RGS7BP: variants seen among roughly 807,000 people sequenced by gnomAD.
RGS7BP encodes regulator of G protein signaling 7-binding protein.
Under a neutral mutation model 31.3 loss-of-function variants are expected in RGS7BP, and 9 were observed. The ratio of observed to expected loss-of-function variants is 0.29; its 90% confidence interval spans 0.17 to 0.50. The LOEUF is 0.50. Among genes scored for constraint, RGS7BP ranks in the 20% least tolerant of loss-of-function variants. The pLI is 0.98. For missense variants in RGS7BP, 274 were observed against 322.0 expected, an observed-to-expected ratio of 0.85 and a Z score of 1.14; for synonymous variants, 115 against 120.1, an observed-to-expected ratio of 0.96 and a Z score of 0.28.
intron 5 of RGS7BP, among the ~76,000 whole-genome samples, chr5:64,605,743 T>A (rs1041976256): frequency 6.6e-6 from 1 of 151,922 alleles, no homozygotes; most frequent in Non-Finnish European, 1.5e-5. Context: ...AAACCAGCAG[T>A]TGTCCTTAAT....
At chr5:64,587,133 G>C (rs758946073) in intron 3 of RGS7BP, among the ~76,000 whole-genome samples, 1 of 152,050 alleles carries the variant, frequency 6.6e-6, no homozygotes, top group African/African-American at 2.4e-5. Flanking sequence ...GGACTTTTAG[G>C]GGCCAGTCTG....
At chr5:64,597,548 C>T (rs1743105896) in intron 4 of RGS7BP, among the ~76,000 whole-genome samples, 1 of 151,610 alleles carries the variant, frequency 6.6e-6, no homozygotes, top group South Asian at 2.1e-4. Flanking sequence ...CTGGTGAACG[C>T]TTAATACCTG....
rs1424220509 is a variant in RGS7BP at position 64,594,739 on chromosome 5, T to C, written c.493T>C (p.Leu165=). The part of the protein sequence containing the change: ...GKEPGGGTKS[L]DCKIEESAET... ...GGAACCTGGCGGGGGAACCAAGAGT[T>C]TGGATTGCAAAATTGAGGAGAGTGC... The change falls in exon 4 of 6, where the codon TTG becomes CTG. Residue 165 remains leucine (L), a synonymous_variant. Coordinates refer to ENST00000334025, the MANE Select transcript of RGS7BP (RefSeq NM_001029875.3). 2.5e-6 allele frequency: 4 copies of C among 1,613,622 alleles called. No homozygotes were observed. In the African/African-American group the frequency reaches 5.3e-5, roughly 22 times the overall value.
intron 2 of RGS7BP, among the ~76,000 whole-genome samples, chr5:64,543,175 TG>T (rs1741569244): frequency 6.6e-6 from 1 of 152,240 alleles, no homozygotes; most frequent in South Asian, 2.1e-4. Context: ...AGACCTCTAC[TG>T]GTAAAATATG....
At chr5:64,546,034 G>A (rs13180393) in intron 2 of RGS7BP, among the ~76,000 whole-genome samples, 17,508 of 152,046 alleles carry the variant, frequency 0.12, 1,515 homozygotes, top group African/African-American at 0.23. Context: ...TGCACCTGTA[G>A]TCCCAGCTAC....
intron 5 of RGS7BP, among the ~76,000 whole-genome samples, chr5:64,604,800 T>C (rs1743311571): frequency 6.6e-6 from 1 of 151,250 alleles, no homozygotes; most frequent in African/African-American, 2.5e-5. Context: ...AAATCTTTTA[T>C]CAGCAAAATA....
intron 5 of RGS7BP, among the ~76,000 whole-genome samples, chr5:64,605,859 G>A (rs1427547442): frequency 6.7e-6 from 1 of 150,112 alleles, no homozygotes; most frequent in East Asian, 2.0e-4. Flanking sequence ...GTGTATATGT[G>A]GGTATGTATG....
chr5:64,516,241 T>C (rs1219133404), intron 2 of RGS7BP, among the ~76,000 whole-genome samples: 1 of 152,216 alleles, frequency 6.6e-6, no homozygotes, highest in African/African-American at 2.4e-5. Context: ...GGGAAATATA[T>C]ACTAACCCAG....
At chr5:64,566,592 T>C (rs770555104) in intron 2 of RGS7BP, among the ~76,000 whole-genome samples, 1 of 152,100 alleles carries the variant, frequency 6.6e-6, no homozygotes, top group Non-Finnish European at 1.5e-5. Flanking sequence ...CTCATTAGCA[T>C]CTTAAATCTC....
At chr5:64,547,764 A>G (rs981630050) in intron 2 of RGS7BP, among the ~76,000 whole-genome samples, 2 of 152,310 alleles carry the variant, frequency 1.3e-5, no homozygotes, top group South Asian at 2.1e-4. Flanking sequence ...TCATTGATGC[A>G]TCTATTCCAA....
At chr5:64,574,987 C>T (rs951900838) in intron 2 of RGS7BP, among the ~76,000 whole-genome samples, 2 of 151,972 alleles carry the variant, frequency 1.3e-5, no homozygotes, top group African/African-American at 2.4e-5. Flanking sequence ...TCAACACATG[C>T]TATTTTAGTT....
intron 2 of RGS7BP, among the ~76,000 whole-genome samples, chr5:64,546,770 A>C (rs930828271): frequency 7.2e-5 from 11 of 152,222 alleles, no homozygotes; most frequent in African/African-American, 2.4e-4. Context: ...GTCTCTTATG[A>C]AATTAGCAGG....
intron 5 of RGS7BP, among the ~76,000 whole-genome samples, chr5:64,605,897 ATATATG>A (rs1218661151): frequency 4.7e-5 from 7 of 148,186 alleles, no homozygotes; most frequent in Middle Eastern, 7.1e-3. Context: ...TATATGCTAT[ATATATG>A]TATATCTGGA....
intron 2 of RGS7BP, among the ~76,000 whole-genome samples, chr5:64,541,146 A>T (rs1181253570): frequency 1.3e-5 from 2 of 152,188 alleles, no homozygotes; most frequent in African/African-American, 4.8e-5. Flanking sequence ...GGCCCCAGGA[A>T]GCTTACAATC....
intron 2 of RGS7BP, among the ~76,000 whole-genome samples, chr5:64,511,469 T>A (rs2111874408): frequency 6.6e-6 from 1 of 152,296 alleles, no homozygotes; most frequent in South Asian, 2.1e-4. Context: ...GGCCTCAAAC[T>A]TTTTTAGCAG....
At chr5:64,599,458 C>A (rs997067361) in intron 5 of RGS7BP, among the ~76,000 whole-genome samples, 4 of 152,254 alleles carry the variant, frequency 2.6e-5, no homozygotes, top group Admixed American at 2.6e-4. Flanking sequence ...CCAGGAGCAG[C>A]TCAGCAGAAG....
chr5:64,581,064 A>G (rs1268559506), intron 3 of RGS7BP, among the ~76,000 whole-genome samples: 1 of 151,982 alleles, frequency 6.6e-6, no homozygotes, highest in Non-Finnish European at 1.5e-5. Flanking sequence ...AAATACAAAA[A>G]TTAGCCAGGT....
chr5:64,545,416 T>TA lies in RGS7BP; in HGVS notation c.333-30347dup, dbSNP rs61554558. ...ACCCTAAAACTTAAAGTGTAATAAT[T>TA]AAAAAAAAAAAGAGTCGGCTTTTAT... On this transcript the variant is annotated intron_variant, in intron 2 of 5. Coordinates refer to ENST00000334025, the MANE Select transcript of RGS7BP (RefSeq NM_001029875.3). Among the ~76,000 whole-genome samples the TA allele has an allele frequency of 5.4e-3, 783 of 144,064 alleles. 6 individuals carry two copies. The highest frequency in any genetic ancestry group is 0.018 in the African/African-American group (716 of 39,580). 94.5% of individuals were successfully genotyped at this position (144,064 alleles called of 152,430 possible). A position where few individuals can be genotyped will look rare whatever the true frequency, so the allele number is the denominator to read the frequency against.
At chr5:64,609,119 G>T (rs1743438343) in intron 5 of RGS7BP, 42 bp from the exon 6 acceptor site, 1 of 1,262,950 alleles carries the variant, frequency 7.9e-7, no homozygotes, top group African/African-American at 1.5e-5. Context: ...GCAGGTTGTT[G>T]TGTCTATACC....
Sources: allele counts gnomAD v4.1 joint callset (sites outside exome capture counted in the v4.1 genomes callset), GRCh38; gene constraint gnomAD v4.1.1; transcripts MANE v1.5; gene names NCBI Gene and HGNC (gene_info 2026-07-23, HGNC 2026-07-21).